EVPL: variants seen among roughly 807,000 people sequenced by gnomAD.
The protein encoded by EVPL is 210 kDa cornified envelope precursor protein.
EVPL carries 94 observed loss-of-function variants against 129.7 expected under a neutral mutation model. The observed-to-expected ratio is 0.72, with a 90% CI of 0.61 to 0.86. The LOEUF (loss-of-function observed/expected upper bound fraction) is 0.86. Ranked by LOEUF, EVPL falls within the 40% of genes least tolerant of loss-of-function variation. The pLI, the probability that EVPL is intolerant of heterozygous loss-of-function variation, is 0.00. For missense variants in EVPL, 2,625 were observed against 2,721.1 expected (o/e 0.96, Z 0.79); for synonymous variants, 1,172 against 1,191.1 (o/e 0.98, Z 0.33).
rs999341431 is a variant in EVPL at position 76,009,133 on chromosome 17, G to A, written c.4072C>T (p.Arg1358Cys). ...EDAVYELQSKRLLLERRKPEE... is the reference protein window; with the variant it reads ...EDAVYELQSKCLLLERRKPEE... Reference sequence around the variant, plus strand: ...GGCTTCCTCCTCTCCAGCAGCAGGCGCTTGCTCTGCAGCTCGTACACCGCG... The same window carrying A: ...GGCTTCCTCCTCTCCAGCAGCAGGCACTTGCTCTGCAGCTCGTACACCGCG... The change falls in exon 22 of 22, where the codon CGC (arginine) becomes TGC (cysteine). Residue 1358 changes from arginine to cysteine, a missense_variant. This residue lies in a region of EVPL where 1,453 missense variants were observed against 1,511.8 expected (regional missense o/e 0.96). Transcript: ENST00000301607. The surrounding 1 kb of genome is among the most constrained non-coding windows in gnomAD (Gnocchi z 5.9). The A allele has an allele frequency of 2.4e-5, 39 of 1,612,484 alleles. No individual in the cohort carries two copies. Among genetic ancestry groups the A allele is most frequent in the Middle Eastern group, 1.6e-4 (1 of 6,062 alleles).
intron 12 of EVPL, 23 bp from the exon 13 acceptor site, chr17:76,018,281 G>T (rs886779944): frequency 6.6e-7 from 1 of 1,526,140 alleles, no homozygotes; most frequent in African/African-American, 1.4e-5. Context: ...GGAGATTGAA[G>T]AAAGAGGTCC....
rs963697387 is a variant in EVPL, at chr17:76,024,445, C to G, written c.99-325G>C. On this transcript the variant is annotated intron_variant, in intron 1 of 21. Transcript: ENST00000301607. The surrounding 1 kb of genome is among the most constrained non-coding windows in gnomAD (Gnocchi z 4.5). ...CCCCACCTAGCTACCTGCCACTTCC[C>G]TCCCCGAGCCAGTGAATCACCGGCT... is the stretch of plus-strand genomic sequence containing the variant. Among the ~76,000 whole-genome samples, 20 of 152,194 alleles carry G rather than the reference C, an allele frequency of 1.3e-4. No individual in the cohort carries two copies. The highest frequency in any genetic ancestry group is 6.8e-3 in the Middle Eastern group (2 of 294).
intron 14 of EVPL, among the ~76,000 whole-genome samples, chr17:76,017,460 C>T (rs1192230211): frequency 6.6e-6 from 1 of 152,174 alleles, no homozygotes; most frequent in East Asian, 1.9e-4. Context: ...ACATTGGGCC[C>T]TACTGGAACC....
Position 76,023,556 on chromosome 17 carries a change from C to T in EVPL, c.297G>A (p.Leu99=). ...EAEVLLKDLF[L]DVDKARRLKH... ...TGAGCCGCCGGGCCTTGTCCACGTCCAGGAAGAGGTCCTTGAGCAGCACCT... is the reference window on the plus strand; with the variant it reads ...TGAGCCGCCGGGCCTTGTCCACGTCTAGGAAGAGGTCCTTGAGCAGCACCT... The change falls in exon 3 of 22, where the codon CTG becomes CTA. Residue 99 remains leucine (L), a synonymous_variant. Transcript: ENST00000301607. 2 of 1,613,362 alleles carry T rather than the reference C, an allele frequency of 1.2e-6. No homozygotes were observed. The highest frequency in any genetic ancestry group is 2.2e-5 in the East Asian group (1 of 44,868).
At chr17:76,012,576 T>C (rs2066386053) in intron 18 of EVPL, among the ~76,000 whole-genome samples, 1 of 152,012 alleles carries the variant, frequency 6.6e-6, no homozygotes, top group Non-Finnish European at 1.5e-5. Flanking sequence ...ATTACAGGCA[T>C]GAGCCACCTT....
chr17:76,019,407 A>T (rs1421006091), intron 10 of EVPL, 121 bp downstream of exon 10: 1 of 1,289,422 alleles, frequency 7.8e-7, no homozygotes, highest in Non-Finnish European at 1.0e-6. Flanking sequence ...CCCCCCTGCC[A>T]GCACCCAGGC....
At chr17:76,014,274 G>A (rs1263262731) in intron 18 of EVPL, 152 bp downstream of exon 18, 5 of 1,100,556 alleles carry the variant, frequency 4.5e-6, no homozygotes, top group African/African-American at 3.2e-5. Context: ...GGCTGGCCCC[G>A]TCTGTGGGCA....
chr17:76,021,201 G>A (rs1050058414), intron 9 of EVPL, among the ~76,000 whole-genome samples: 1 of 152,142 alleles, frequency 6.6e-6, no homozygotes, highest in Non-Finnish European at 1.5e-5. Context: ...GATTACAGGC[G>A]CGTGCCACCA....
chr17:76,021,452 CTG>C lies in EVPL; in HGVS notation c.1011+14_1011+15del. The C allele has an allele frequency of 6.3e-7, 1 of 1,597,814 alleles. No homozygotes were observed. The highest frequency in any genetic ancestry group is 1.3e-5 in the African/African-American group (1 of 74,208). On this transcript the variant is annotated intron_variant, in intron 9 of 21. Transcript: ENST00000301607. ...CTGCCGCCCCTGCCGCCCCTGCCGC[CTG>C]CCCGAGGGCTCACCCGGCGGTAGTC...
At position 76,024,319 on chromosome 17, in the gene EVPL, G is replaced by A. The variant is rs1012236388; in HGVS notation, c.99-199C>T. Among the ~76,000 whole-genome samples the A allele has an allele frequency of 1.5e-4, 23 of 152,224 alleles. No individual in the cohort carries two copies. Among genetic ancestry groups the A allele is most frequent in the African/African-American group, 5.5e-4 (23 of 41,454 alleles). ...TGTTAGCACTGCCCCGCCACATGAGGGGTCAAAAGGTGAGGGTCTCAGGTT... is the reference window on the plus strand; with the variant it reads ...TGTTAGCACTGCCCCGCCACATGAGAGGTCAAAAGGTGAGGGTCTCAGGTT... On this transcript the variant is annotated intron_variant, in intron 1 of 21. Transcript: ENST00000301607. This position sits in a 1 kb window ranked among gnomAD's most constrained non-coding sequence, Gnocchi z 4.5.
At chr17:76,015,757 G>C in intron 14 of EVPL, 129 bp from the exon 15 acceptor site, 2 of 956,024 alleles carry the variant, frequency 2.1e-6, no homozygotes, top group South Asian at 3.3e-5. Context: ...TCAGGCCAGA[G>C]AACTGCGTTC....
At chr17:76,021,441 GCCCC>G in intron 9 of EVPL, 23 bp downstream of exon 9, 1 of 1,536,860 alleles carries the variant, frequency 6.5e-7, no homozygotes, top group Non-Finnish European at 8.8e-7. Flanking sequence ...CGCCCCTGCC[GCCCC>G]TGCCGCCTGC....
rs550570055 is a variant in EVPL, at chr17:76,010,691, T to C, written c.2662-148A>G. On this transcript the variant is annotated intron_variant, in intron 21 of 21. Transcript: ENST00000301607. ...GCTGAAGACCTAAGATGCTTGGATA[T>C]AGGATTTTGAGAAGACCCAGTCAAT... The C allele has an allele frequency of 8.2e-5, 71 of 867,078 alleles. No homozygotes were observed. In the African/African-American group the frequency reaches 1.0e-3, roughly 12 times the overall value. 53.7% of individuals were successfully genotyped at this position (867,078 alleles called of 1,614,324 possible). A position where few individuals can be genotyped will look rare whatever the true frequency, so the allele number is the denominator to read the frequency against.
Position 76,009,416 on chromosome 17 carries a change from G to T in EVPL, c.3789C>A (p.Ser1263Arg). ...VTQEVVRHER[S>R]PEVLREIDRL... Reference sequence around the variant, plus strand: ...GGTCGATCTCACGCAGCACCTCGGGGCTCCTCTCATGCCTCACCACCTCCT... The same window carrying T: ...GGTCGATCTCACGCAGCACCTCGGGTCTCCTCTCATGCCTCACCACCTCCT... Residue 1263 changes from serine (S) to arginine (R), a missense_variant, in exon 22 of 22, where the codon AGC (serine) becomes AGA (arginine). Physicochemically the swap from Ser to Arg is moderately radical, Grantham distance 110. This residue lies in a region of EVPL where 1,453 missense variants were observed against 1,511.8 expected (regional missense o/e 0.96). Transcript: ENST00000301607. This position sits in a 1 kb window ranked among gnomAD's most constrained non-coding sequence, Gnocchi z 5.9. 3 of 1,614,050 alleles carry T rather than the reference G, an allele frequency of 1.9e-6. No individual in the cohort carries two copies. The highest frequency in any genetic ancestry group is 2.5e-6 in the Non-Finnish European group (3 of 1,180,006).
intron 21 of EVPL, among the ~76,000 whole-genome samples, chr17:76,011,259 G>A (rs1339040737): frequency 6.7e-6 from 1 of 148,646 alleles, no homozygotes; most frequent in Non-Finnish European, 1.5e-5. Flanking sequence ...AGGTGGCTGA[G>A]GGTGAAGCTC....
Position 76,023,535 on chromosome 17 carries a change from C to A in EVPL, c.318G>T (p.Arg106=). 1 of 1,613,366 alleles carries A rather than the reference C, an allele frequency of 6.2e-7. No individual in the cohort carries two copies. The highest frequency in any genetic ancestry group is 8.5e-7 in the Non-Finnish European group (1 of 1,179,908). ...DLFLDVDKAR[R]LKHPQAEEIE... The stretch of plus-strand genomic sequence containing the variant: ...TCTCCTCAGCCTGCGGGTGCTTGAG[C>A]CGCCGGGCCTTGTCCACGTCCAGGA... Residue 106 remains arginine, a synonymous_variant, in exon 3 of 22, where the codon CGG becomes CGT. Coordinates refer to ENST00000301607, the MANE Select transcript of EVPL (RefSeq NM_001988.4).
At chr17:76,023,451 G>A (rs764284080) in intron 3 of EVPL, 33 bp from the exon 4 acceptor site, 125 of 1,612,530 alleles carry the variant, frequency 7.8e-5, no homozygotes, top group Non-Finnish European at 9.8e-5. Context: ...GTCAGGGCTG[G>A]ACCTGGGTCT....
chr17:76,021,594 A>AC, intron 8 of EVPL, 31 bp from the exon 9 acceptor site: 1 of 1,438,588 alleles, frequency 7.0e-7, no homozygotes, highest in African/African-American at 2.3e-5. Flanking sequence ...CCCTCGGACC[A>AC]CGCCCCCCCC....
intron 18 of EVPL, 86 bp from the exon 19 acceptor site, chr17:76,012,175 C>T: frequency 1.0e-6 from 1 of 1,003,016 alleles, no homozygotes; most frequent in Non-Finnish European, 1.5e-6. Context: ...GGGCCACAGT[C>T]AGGCAGAGCT....
Sources: allele counts gnomAD v4.1 joint callset (sites outside exome capture counted in the v4.1 genomes callset), GRCh38; gene constraint gnomAD v4.1.1; regional missense constraint gnomAD v4.1.1; non-coding constraint Gnocchi (gnomAD v3.1); transcripts MANE v1.5; gene names NCBI Gene and HGNC (gene_info 2026-07-23, HGNC 2026-07-21).